KSR2: variants seen among roughly 807,000 people sequenced by gnomAD.
KSR2 encodes the protein kinase suppressor of ras 2.
In KSR2, 25 loss-of-function variants were observed where a neutral mutation model predicts 107.8. The ratio of observed to expected loss-of-function variants is 0.23; its 90% confidence interval spans 0.17 to 0.32. The LOEUF (loss-of-function observed/expected upper bound fraction) is 0.32, where lower values mean the gene tolerates loss of function less well. Among genes scored for constraint, KSR2 ranks in the 10% least tolerant of loss-of-function variants. The pLI is 1.00. For missense variants in KSR2, 887 were observed against 1,268.9 expected, an observed-to-expected ratio of 0.70 and a Z score of 4.57; for synonymous variants, 480 against 507.0, an observed-to-expected ratio of 0.95 and a Z score of 0.71.
At chr12:117,582,053 G>A (rs1246202135) in intron 6 of KSR2, among the ~76,000 whole-genome samples, 1 of 152,224 alleles carries the variant, frequency 6.6e-6, no homozygotes, top group Non-Finnish European at 1.5e-5. Context: ...TGACTCCAAA[G>A]CCCTGGCTTT....
At chr12:117,526,420 A>G (rs1875171426) in intron 13 of KSR2, among the ~76,000 whole-genome samples, 1 of 152,218 alleles carries the variant, frequency 6.6e-6, no homozygotes, top group Admixed American at 6.5e-5. Flanking sequence ...TTGACTGGGT[A>G]CAGCTCTTCC....
intron 4 of KSR2, among the ~76,000 whole-genome samples, chr12:117,669,407 A>G (rs1166641441): frequency 6.6e-6 from 1 of 152,146 alleles, no homozygotes. Flanking sequence ...CTTAGTATAG[A>G]GCTACCCTGT....
chr12:117,874,712 A>C (rs1262843928), intron 1 of KSR2, among the ~76,000 whole-genome samples: 1 of 152,142 alleles, frequency 6.6e-6, no homozygotes, highest in Non-Finnish European at 1.5e-5. Context: ...GTTGAGAAGC[A>C]CAATTAGAAA....
At chr12:117,720,570 G>T in intron 4 of KSR2, among the ~76,000 whole-genome samples, 1 of 152,200 alleles carries the variant, frequency 6.6e-6, no homozygotes, top group South Asian at 2.1e-4. Context: ...CATCAGATGT[G>T]TTTATTCATT....
intron 14 of KSR2, among the ~76,000 whole-genome samples, chr12:117,514,917 C>T (rs989522167): frequency 5.3e-5 from 8 of 152,306 alleles, no homozygotes; most frequent in African/African-American, 1.4e-4. Flanking sequence ...TGCCCCTCCC[C>T]TGGCCTTGCT....
intron 2 of KSR2, among the ~76,000 whole-genome samples, chr12:117,855,889 G>A (rs1463901218): frequency 6.6e-6 from 1 of 152,062 alleles, no homozygotes; most frequent in East Asian, 1.9e-4. Context: ...CCTGTCTCTC[G>A]AATGTTTATA....
rs1345321430 is a variant in KSR2, at chr12:117,465,611, T to A, written c.*1588A>T. ...GTCTATTTGGATTTTGAAAGTAAGATCAGGTAGGGTTTTTGAAGTTCCAGT... is the reference window on the plus strand; with the variant it reads ...GTCTATTTGGATTTTGAAAGTAAGAACAGGTAGGGTTTTTGAAGTTCCAGT... On this transcript the variant is annotated 3_prime_UTR_variant, in exon 20 of 20. Transcript: ENST00000339824. 1.3e-5 allele frequency: 2 copies of A among 152,096 alleles called. No homozygotes were observed. Among genetic ancestry groups the A allele is most frequent in the Non-Finnish European group, 2.9e-5 (2 of 68,070 alleles). 9.4% of individuals were successfully genotyped at this position (152,096 alleles called of 1,614,324 possible).
intron 4 of KSR2, among the ~76,000 whole-genome samples, chr12:117,700,504 T>C (rs1358380661): frequency 1.3e-5 from 2 of 152,214 alleles, no homozygotes; most frequent in African/African-American, 4.8e-5. Context: ...CAACCAACAG[T>C]GAGCACCGAA....
chr12:117,753,947 C>CGTGTGTGTGTGT (rs34174404), intron 4 of KSR2, among the ~76,000 whole-genome samples: 32 of 128,962 alleles, frequency 2.5e-4, no homozygotes, highest in Non-Finnish European at 3.2e-4. Context: ...AAGTATAGAG[C>CGTGTGTGTGTGT]GTGTGTGTGT....
intron 4 of KSR2, among the ~76,000 whole-genome samples, chr12:117,726,818 A>C (rs1887442548): frequency 6.6e-6 from 1 of 152,198 alleles, no homozygotes; most frequent in South Asian, 2.1e-4. Context: ...CCCAAGAGAA[A>C]TGAGAATATA....
chr12:117,614,287 T>C (rs1002367173), intron 5 of KSR2, among the ~76,000 whole-genome samples: 5 of 152,192 alleles, frequency 3.3e-5, no homozygotes, highest in African/African-American at 7.2e-5. Flanking sequence ...GAATGTGACC[T>C]TTTTACTTTA....
chr12:117,555,853 C>G (rs1191764975), intron 8 of KSR2, among the ~76,000 whole-genome samples: 1 of 152,152 alleles, frequency 6.6e-6, no homozygotes, highest in Non-Finnish European at 1.5e-5. Context: ...CGCCCAAGCC[C>G]CTCTCCCTTC....
chr12:117,469,512 A>T, intron 19 of KSR2, 150 bp downstream of exon 19: 1 of 896,310 alleles, frequency 1.1e-6, no homozygotes, highest in South Asian at 1.7e-5. Flanking sequence ...CATTGAACAG[A>T]AACCTAGTAG....
chr12:117,548,585 T>C (rs190835689), intron 9 of KSR2, among the ~76,000 whole-genome samples: 1 of 152,132 alleles, frequency 6.6e-6, no homozygotes, highest in Non-Finnish European at 1.5e-5. Flanking sequence ...TAGTTAAGTT[T>C]TGGGGGCATC....
At chr12:117,862,886 C>T (rs1253935144) in intron 1 of KSR2, among the ~76,000 whole-genome samples, 1 of 152,072 alleles carries the variant, frequency 6.6e-6, no homozygotes, top group Non-Finnish European at 1.5e-5. Flanking sequence ...CCTGCCACCA[C>T]GCCTGGCTAA....
chr12:117,614,418 T>C (rs993985447), intron 5 of KSR2, among the ~76,000 whole-genome samples: 1 of 152,232 alleles, frequency 6.6e-6, no homozygotes, highest in Non-Finnish European at 1.5e-5. Flanking sequence ...CATGGAAGGA[T>C]ACAAATGAAT....
chr12:117,822,531 C>T (rs955622686), intron 3 of KSR2, among the ~76,000 whole-genome samples: 1 of 152,222 alleles, frequency 6.6e-6, no homozygotes, highest in Non-Finnish European at 1.5e-5. Context: ...CACATCATAG[C>T]TCAACCTAGC....
At chr12:117,860,923 T>C (rs1396592316) in intron 1 of KSR2, among the ~76,000 whole-genome samples, 2 of 152,096 alleles carry the variant, frequency 1.3e-5, no homozygotes, top group African/African-American at 2.4e-5. Flanking sequence ...TTTACCACGT[T>C]GGCCAGGCTG....
chr12:117,824,730 G>T (rs549360095), intron 3 of KSR2, among the ~76,000 whole-genome samples: 1 of 151,446 alleles, frequency 6.6e-6, no homozygotes, highest in Non-Finnish European at 1.5e-5. Context: ...GGTGGCAGGC[G>T]CCTGTAGTCC....
Sources: allele counts gnomAD v4.1 joint callset (sites outside exome capture counted in the v4.1 genomes callset), GRCh38; gene constraint gnomAD v4.1.1; transcripts MANE v1.5; gene names NCBI Gene and HGNC (gene_info 2026-07-23, HGNC 2026-07-21).